Variants in GPR141 observed in about 807,000 individuals in gnomAD.
The protein encoded by GPR141 is probable G protein-coupled receptor 141.
A neutral mutation model predicts 6.8 loss-of-function variants in GPR141; 6 were observed. The observed-to-expected ratio is 0.88, with a 90% CI of 0.48 to 1.74. The LOEUF is 1.74. Ranked by LOEUF, GPR141 falls within the 40% of genes most tolerant of loss-of-function variation. The pLI is 0.01. For synonymous variants in GPR141, 140 were observed against 142.3 expected, an observed-to-expected ratio of 0.98 and a Z score of 0.11; for missense variants, 372 against 372.9, an observed-to-expected ratio of 1.00 and a Z score of 0.02.
intron 2 of GPR141, among the ~76,000 whole-genome samples, chr7:37,705,369 C>T (rs1200669133): frequency 6.6e-6 from 1 of 152,108 alleles, no homozygotes; most frequent in African/African-American, 2.4e-5. Flanking sequence ...TACATCACAG[C>T]ATAAATACAT....
At chr7:37,708,328 A>AAAC (rs1810631960) in intron 2 of GPR141, among the ~76,000 whole-genome samples, 1 of 151,340 alleles carries the variant, frequency 6.6e-6, no homozygotes, top group Admixed American at 6.6e-5. Flanking sequence ...AAAAAAAAAA[A>AAAC]AAAAAAACGC....
chr7:37,708,325 A>AAAAAAAAAAAC (rs1810629620), intron 2 of GPR141, among the ~76,000 whole-genome samples: 1 of 151,264 alleles, frequency 6.6e-6, no homozygotes, highest in African/African-American at 2.4e-5. Context: ...AAAAAAAAAA[A>AAAAAAAAAAAC]AAAAAAAAAA....
At position 37,742,539 on chromosome 7, in the gene GPR141, TC is replaced by T. The variant is rs1583588280; in HGVS notation, c.*1230del. On this transcript the variant is annotated 3_prime_UTR_variant, in exon 3 of 3. Transcript: ENST00000334425. ...TGTTAGTTTGCTGAGAATGATGGTT[TC>T]CAGGTTAAAATTATATATTTTTAAA... is the stretch of plus-strand genomic sequence containing the variant. Among the ~76,000 whole-genome samples the T allele has an allele frequency of 1.3e-5, 2 of 152,252 alleles. No homozygotes were observed. Among genetic ancestry groups the T allele is most frequent in the East Asian group, 3.9e-4 (2 of 5,188 alleles).
At chr7:37,698,699 G>A (rs1171066322) in intron 2 of GPR141, among the ~76,000 whole-genome samples, 1 of 152,144 alleles carries the variant, frequency 6.6e-6, no homozygotes, top group Admixed American at 6.5e-5. Flanking sequence ...TTTTGTCTGT[G>A]CTTAGACAAA....
chr7:37,698,814 G>C (rs781443545), intron 2 of GPR141, among the ~76,000 whole-genome samples: 3 of 152,198 alleles, frequency 2.0e-5, no homozygotes, highest in Admixed American at 1.3e-4. Context: ...AAAAGAAAAT[G>C]TAGGAGCAAA....
At chr7:37,728,732 A>C (rs942202820) in intron 2 of GPR141, among the ~76,000 whole-genome samples, 1 of 152,008 alleles carries the variant, frequency 6.6e-6, no homozygotes, top group Non-Finnish European at 1.5e-5. Context: ...AGACCTGAGG[A>C]GCTCTCTTGT....
At chr7:37,719,451 G>T (rs960123029) in intron 2 of GPR141, among the ~76,000 whole-genome samples, 3 of 152,182 alleles carry the variant, frequency 2.0e-5, no homozygotes, top group African/African-American at 7.2e-5. Flanking sequence ...TTGATGGTTA[G>T]TAGCTTCTTC....
At chr7:37,697,228 G>A (rs1222779612) in intron 2 of GPR141, among the ~76,000 whole-genome samples, 3 of 151,918 alleles carry the variant, frequency 2.0e-5, no homozygotes, top group Admixed American at 6.6e-5. Context: ...CAAGTTAAGC[G>A]TCAAATTTTC....
In GPR141 at chr7:37,742,810, A is replaced by T. The variant is rs1247178722; in HGVS notation, c.*1499A>T. Among the ~76,000 whole-genome samples the T allele has an allele frequency of 1.3e-5, 2 of 152,170 alleles. No individual in the cohort carries two copies. Among genetic ancestry groups the T allele is most frequent in the East Asian group, 3.8e-4 (2 of 5,202 alleles). On this transcript the variant is annotated 3_prime_UTR_variant, in exon 3 of 3. Transcript: ENST00000334425. ...CAACAAACTCCCATGACACATGTTT[A>T]CCTATGTAACAAACCTGCACATGTA... is the stretch of plus-strand genomic sequence containing the variant.
Position 37,740,553 on chromosome 7 carries a change from G to A in GPR141, c.160G>A (p.Ala54Thr). ...GAACACCCGGTCAGTGACCACCATG[G>A]CGGTCATTAACTTGGTGGTGGTCCA... ...KMNTRSVTTMAVINLVVVHSV... is the reference protein window; with the variant it reads ...KMNTRSVTTMTVINLVVVHSV... Residue 54 changes from alanine to threonine, a missense_variant, in exon 3 of 3, where the codon GCG (alanine) becomes ACG (threonine). Transcript: ENST00000334425. The A allele has an allele frequency of 1.2e-6, 2 of 1,614,078 alleles. No homozygotes were observed. The highest frequency in any genetic ancestry group is 1.7e-6 in the Non-Finnish European group (2 of 1,179,984).
chr7:37,727,075 T>G (rs1811668173), intron 2 of GPR141, among the ~76,000 whole-genome samples: 1 of 152,262 alleles, frequency 6.6e-6, no homozygotes, highest in South Asian at 2.1e-4. Context: ...ATACTAAGTT[T>G]GAGATGTTTA....
chr7:37,697,666 G>A (rs1810086131), intron 2 of GPR141, among the ~76,000 whole-genome samples: 1 of 152,128 alleles, frequency 6.6e-6, no homozygotes, highest in Admixed American at 6.5e-5. Flanking sequence ...AATGGCATTT[G>A]GATAAACAAC....
intron 1 of GPR141, 114 bp from the exon 2 acceptor site, chr7:37,685,346 T>TCTCC (rs1809448723): frequency 6.7e-6 from 1 of 149,932 alleles, no homozygotes; most frequent in Non-Finnish European, 1.5e-5. Context: ...TGTGTGTTTC[T>TCTCC]CTCCCTCCCT....
chr7:37,698,741 G>A (rs1243838784), intron 2 of GPR141, among the ~76,000 whole-genome samples: 3 of 150,032 alleles, frequency 2.0e-5, no homozygotes, highest in Non-Finnish European at 3.0e-5. Context: ...GTACCACTTT[G>A]TCATGGCCTT....
intron 2 of GPR141, among the ~76,000 whole-genome samples, chr7:37,716,316 A>G (rs1016933962): frequency 2.6e-5 from 4 of 152,198 alleles, no homozygotes; most frequent in African/African-American, 9.6e-5. Context: ...CTGTGACATA[A>G]AAGTGGCAAC....
At chr7:37,706,537 C>T (rs1207391320) in intron 2 of GPR141, among the ~76,000 whole-genome samples, 1 of 152,156 alleles carries the variant, frequency 6.6e-6, no homozygotes, top group Admixed American at 6.5e-5. Flanking sequence ...TTCCCTGACC[C>T]CCCACCATAG....
chr7:37,722,967 C>T (rs1429849584), intron 2 of GPR141, among the ~76,000 whole-genome samples: 4 of 120,344 alleles, frequency 3.3e-5, no homozygotes, highest in Admixed American at 1.7e-4. Flanking sequence ...TCCTTCCTTC[C>T]TTCCTTCCTT....
At chr7:37,716,664 G>T (rs765875257) in intron 2 of GPR141, among the ~76,000 whole-genome samples, 18 of 152,148 alleles carry the variant, frequency 1.2e-4, no homozygotes, top group Non-Finnish European at 4.4e-5. Context: ...ATAATTTCTT[G>T]TTGGCTGAAA....
chr7:37,721,930 C>T (rs575963539), intron 2 of GPR141, among the ~76,000 whole-genome samples: 3 of 152,266 alleles, frequency 2.0e-5, no homozygotes, highest in African/African-American at 7.2e-5. Flanking sequence ...ATTTCACCTA[C>T]AGTGAATAAA....
Sources: gnomAD v4.1 joint callset for allele counts (sites outside exome capture counted in the v4.1 genomes callset) on GRCh38, gnomAD v4.1.1 for gene constraint, MANE v1.5 for transcripts, NCBI Gene and HGNC (gene_info 2026-07-23, HGNC 2026-07-21) for gene names.